MSH4: variants seen among roughly 807,000 people sequenced by gnomAD.
MSH4 encodes the protein mutS homolog 4, also known as mutS protein homolog 4.
MSH4 carries 106 observed loss-of-function variants against 113.7 expected under a neutral mutation model. The observed-to-expected ratio is 0.93, with a 90% CI of 0.80 to 1.10. The LOEUF is 1.10. MSH4 is among the 50% of genes least tolerant of loss of function. MSH4 has a pLI of 0.00. For missense variants in MSH4, 1,061 were observed against 1,093.7 expected, an observed-to-expected ratio of 0.97 and a Z score of 0.42; for synonymous variants, 368 against 380.2, an observed-to-expected ratio of 0.97 and a Z score of 0.37.
intron 10 of MSH4, among the ~76,000 whole-genome samples, chr1:75,877,312 T>G (rs1238154865): frequency 6.6e-6 from 1 of 152,164 alleles, no homozygotes; most frequent in Non-Finnish European, 1.5e-5. Flanking sequence ...AAAAATATAT[T>G]TCTTTATTTT....
chr1:75,906,476 AATATATACATATTAT>A (rs1652638738), intron 19 of MSH4, among the ~76,000 whole-genome samples: 1 of 1,210 alleles, frequency 8.3e-4, no homozygotes, highest in African/African-American at 1.0e-3. Context: ...TATTATATAT[AATATATACATATTAT>A]ATATTATATA....
At chr1:75,818,431 G>C (rs542557559) in intron 6 of MSH4, among the ~76,000 whole-genome samples, 2 of 152,272 alleles carry the variant, frequency 1.3e-5, no homozygotes, top group East Asian at 3.9e-4. Context: ...TCTTGGACAA[G>C]TTACCTAATT....
chr1:75,902,382 T>C (rs1395405822), intron 19 of MSH4, among the ~76,000 whole-genome samples: 1 of 151,820 alleles, frequency 6.6e-6, no homozygotes, highest in Non-Finnish European at 1.5e-5. Flanking sequence ...TTGTCCCCAG[T>C]GACAGTTATT....
intron 19 of MSH4, among the ~76,000 whole-genome samples, chr1:75,910,695 T>G (rs1652770704): frequency 6.6e-6 from 1 of 152,166 alleles, no homozygotes; most frequent in South Asian, 2.1e-4. Flanking sequence ...GCGTCCATCA[T>G]CATTTCTGTT....
chr1:75,871,349 A>T (rs1651709578), intron 9 of MSH4, among the ~76,000 whole-genome samples: 1 of 152,166 alleles, frequency 6.6e-6, no homozygotes, highest in Admixed American at 6.5e-5. Flanking sequence ...GGGTGGGGAG[A>T]CAAACCCTAA....
At chr1:75,801,730 T>C (rs1271030981) in intron 1 of MSH4, among the ~76,000 whole-genome samples, 1 of 149,560 alleles carries the variant, frequency 6.7e-6, no homozygotes. Flanking sequence ...ATTAGCTGTG[T>C]GTGGTGAGGT....
At chr1:75,810,851 T>C (rs5745356) in intron 4 of MSH4, 44 bp downstream of exon 4, 13,962 of 859,726 alleles carry the variant, frequency 0.016, 158 homozygotes, top group Non-Finnish European at 0.02. Flanking sequence ...TCTAATCACT[T>C]ATTTATTTAT....
chr1:75,834,696 C>T (rs1336447820), intron 7 of MSH4, among the ~76,000 whole-genome samples: 4 of 152,072 alleles, frequency 2.6e-5, no homozygotes, highest in African/African-American at 9.7e-5. Flanking sequence ...AACCAAACAC[C>T]GCATGTTCTC....
At chr1:75,838,439 T>A (rs1417790481) in intron 7 of MSH4, among the ~76,000 whole-genome samples, 1 of 152,168 alleles carries the variant, frequency 6.6e-6, no homozygotes, top group East Asian at 1.9e-4. Context: ...TAATCCCAAC[T>A]AGAAACTTCC....
chr1:75,873,359 G>A (rs1651752929), intron 9 of MSH4, among the ~76,000 whole-genome samples: 1 of 152,118 alleles, frequency 6.6e-6, no homozygotes, highest in South Asian at 2.1e-4. Flanking sequence ...ACTGTGACAA[G>A]AGTATCCTTA....
At chr1:75,898,158 C>A in intron 18 of MSH4, 77 bp downstream of exon 18, 1 of 1,011,980 alleles carries the variant, frequency 9.9e-7, no homozygotes, top group Non-Finnish European at 1.4e-6. Context: ...CTCTTCTTTA[C>A]TTGGCTGTTA....
At chr1:75,844,191 T>C (rs1651028188) in intron 7 of MSH4, among the ~76,000 whole-genome samples, 2 of 152,240 alleles carry the variant, frequency 1.3e-5, no homozygotes, top group African/African-American at 2.4e-5. Flanking sequence ...TTTAATGTTA[T>C]ATATTACTAT....
chr1:75,906,588 T>C (rs1354408566), intron 19 of MSH4, among the ~76,000 whole-genome samples: 2 of 95,534 alleles, frequency 2.1e-5, no homozygotes, highest in African/African-American at 8.0e-5. Flanking sequence ...TATATATATT[T>C]TAATTTATGA....
At chr1:75,834,570 C>T (rs978504416) in intron 7 of MSH4, among the ~76,000 whole-genome samples, 5 of 152,192 alleles carry the variant, frequency 3.3e-5, no homozygotes, top group East Asian at 1.9e-4. Context: ...GAAAATGTAG[C>T]GCATATACAC....
intron 5 of MSH4, 114 bp downstream of exon 5, chr1:75,815,250 G>A: frequency 1.8e-6 from 1 of 563,770 alleles, no homozygotes; most frequent in Non-Finnish European, 3.0e-6. Flanking sequence ...CACAAGGGCA[G>A]GGACTTTTGT....
At chr1:75,861,647 C>T (rs1399187619) in intron 8 of MSH4, among the ~76,000 whole-genome samples, 1 of 152,192 alleles carries the variant, frequency 6.6e-6, no homozygotes, top group Non-Finnish European at 1.5e-5. Context: ...AGCTTCGTCC[C>T]AGAGGGGCAA....
intron 16 of MSH4, among the ~76,000 whole-genome samples, chr1:75,890,185 G>A (rs1652218059): frequency 6.6e-6 from 1 of 151,968 alleles, no homozygotes; most frequent in South Asian, 2.1e-4. Flanking sequence ...GTCAATTTAA[G>A]TCTTAGTCTC....
intron 15 of MSH4, among the ~76,000 whole-genome samples, chr1:75,885,059 G>GTGTATATATATATATATATATATATATA (rs1300289205): frequency 3.6e-5 from 4 of 112,560 alleles, no homozygotes; most frequent in African/African-American, 1.6e-4. Context: ...GTGTGTGTGT[G>GTGTATATATATATATATATATATATATA]TATATATATA....
chr1:75,881,786 C>A (rs1651939498), intron 14 of MSH4, among the ~76,000 whole-genome samples: 1 of 151,806 alleles, frequency 6.6e-6, no homozygotes, highest in African/African-American at 2.4e-5. Flanking sequence ...GTGAACATAC[C>A]AAAATTAGGA....
Sources: gnomAD v4.1 joint callset for allele counts (sites outside exome capture counted in the v4.1 genomes callset) on GRCh38, gnomAD v4.1.1 for gene constraint, MANE v1.5 for transcripts, NCBI Gene and HGNC (gene_info 2026-07-23, HGNC 2026-07-21) for gene names.